Variants in ATP2B2 observed in about 807,000 individuals in gnomAD.
ATP2B2 encodes plasma membrane calcium-transporting ATPase 2.
Under a neutral mutation model 120.0 loss-of-function variants are expected in ATP2B2, and 15 were observed. The ratio of observed to expected loss-of-function variants is 0.12; its 90% CI spans 0.08 to 0.19. The LOEUF (loss-of-function observed/expected upper bound fraction) is 0.19, where lower values mean the gene tolerates loss of function less well. ATP2B2 is among the 10% of genes least tolerant of loss of function. The pLI is 1.00. For missense variants in ATP2B2, 1,045 were observed against 1,719.8 expected, an observed-to-expected ratio of 0.61 and a Z score of 6.94; for synonymous variants, 694 against 700.3, an observed-to-expected ratio of 0.99 and a Z score of 0.14.
chr3:10,336,267 A>G (rs1377594368), intron 22 of ATP2B2: 4 of 1,550,608 alleles, frequency 2.6e-6, no homozygotes, highest in Non-Finnish European at 3.5e-6. Flanking sequence ...CCCTGAAAGG[A>G]GGCCCCGCTC....
At chr3:10,470,036 C>T (rs2064917442) in intron 1 of ATP2B2, among the ~76,000 whole-genome samples, 1 of 152,044 alleles carries the variant, frequency 6.6e-6, no homozygotes, top group Non-Finnish European at 1.5e-5. Flanking sequence ...AGGCAGATCT[C>T]AGCGCTGGGC....
intron 2 of ATP2B2, among the ~76,000 whole-genome samples, chr3:10,571,620 C>T (rs2068129567): frequency 6.6e-6 from 1 of 152,240 alleles, no homozygotes; most frequent in Non-Finnish European, 1.5e-5. Context: ...AGCTCAGCTC[C>T]TAGTAGCACT....
At chr3:10,620,895 G>A (rs2069526802) in intron 1 of ATP2B2, among the ~76,000 whole-genome samples, 2 of 152,164 alleles carry the variant, frequency 1.3e-5, no homozygotes, top group Non-Finnish European at 1.5e-5. Flanking sequence ...AGGGGCAAAT[G>A]GCAGGTATCC....
intron 1 of ATP2B2, among the ~76,000 whole-genome samples, chr3:10,621,847 G>T (rs1381553171): frequency 2.0e-5 from 3 of 152,198 alleles, no homozygotes; most frequent in Non-Finnish European, 4.4e-5. Flanking sequence ...AAGTAACCAC[G>T]TCAACATGAC....
At chr3:10,336,257 C>G in intron 22 of ATP2B2, 1 of 1,550,604 alleles carries the variant, frequency 6.4e-7, no homozygotes, top group East Asian at 2.4e-5. Context: ...CCGCAGGGCC[C>G]CCTGAAAGGA....
At chr3:10,699,679 C>A (rs2071788763) in intron 1 of ATP2B2, among the ~76,000 whole-genome samples, 1 of 152,172 alleles carries the variant, frequency 6.6e-6, no homozygotes, top group African/African-American at 2.4e-5. Flanking sequence ...ATCCCCAATG[C>A]AACAGTGTTG....
chr3:10,580,363 G>T (rs1048344704), intron 2 of ATP2B2, among the ~76,000 whole-genome samples: 1 of 152,124 alleles, frequency 6.6e-6, no homozygotes, highest in African/African-American at 2.4e-5. Flanking sequence ...TGAGGGCAGG[G>T]GTTTCTGTGT....
chr3:10,600,983 C>T (rs1429746389), intron 2 of ATP2B2, among the ~76,000 whole-genome samples: 1 of 152,064 alleles, frequency 6.6e-6, no homozygotes, highest in African/African-American at 2.4e-5. Context: ...CCAGCAACAC[C>T]CCAGCTTCCA....
In ATP2B2 at chr3:10,617,309, A is replaced by T. The variant is rs2069416659; in HGVS notation, c.-415+2608T>A. Among the ~76,000 whole-genome samples the T allele has an allele frequency of 2.0e-5, 3 of 152,358 alleles. No individual in the cohort carries two copies. The South Asian group carries it at 6.2e-4, about 32-fold the overall frequency. On this transcript the variant is annotated intron_variant, in intron 2 of 21. Coordinates refer to the ATP2B2 transcript ENST00000646379. ...ACTCTCAGGGGTATAACAATGTCTCATCACACATATTAAAAGATTCCCAGG... is the reference window on the plus strand; with the variant it reads ...ACTCTCAGGGGTATAACAATGTCTCTTCACACATATTAAAAGATTCCCAGG...
intron 5 of ATP2B2, among the ~76,000 whole-genome samples, chr3:10,389,425 A>G (rs2124882983): frequency 6.6e-6 from 1 of 152,364 alleles, no homozygotes; most frequent in South Asian, 2.1e-4. Flanking sequence ...AGCCTTAAAG[A>G]GAAAGAAACT....
In ATP2B2 at chr3:10,403,395, G is replaced by A. The variant is rs150607359; in HGVS notation, c.398-1047C>T. 1.1e-3 allele frequency among the ~76,000 whole-genome samples: 175 copies of A among 152,358 alleles called. 6 individuals carry two copies. The South Asian group carries it at 0.028, about 24-fold the overall frequency. ...CCCAAAAACTCTCGAGGTCTGCCAGGCCCACGGGGTGAACAGAAAAGGAAG... is the reference window on the plus strand; with the variant it reads ...CCCAAAAACTCTCGAGGTCTGCCAGACCCACGGGGTGAACAGAAAAGGAAG... On this transcript the variant is annotated intron_variant, in intron 3 of 22. Transcript: ENST00000360273.
At chr3:10,685,794 C>G (rs2125708263) in intron 1 of ATP2B2, among the ~76,000 whole-genome samples, 1 of 152,346 alleles carries the variant, frequency 6.6e-6, no homozygotes, top group East Asian at 1.9e-4. Context: ...ATGGACACAT[C>G]TTTGACAACC....
chr3:10,421,598 C>T (rs894927962), intron 2 of ATP2B2, among the ~76,000 whole-genome samples: 31 of 152,304 alleles, frequency 2.0e-4, no homozygotes, highest in Admixed American at 3.9e-4. Context: ...AGCTGGTCTT[C>T]AAGTTCGGCT....
At chr3:10,380,633 T>C (rs529668676) in intron 8 of ATP2B2, among the ~76,000 whole-genome samples, 2 of 152,292 alleles carry the variant, frequency 1.3e-5, no homozygotes, top group East Asian at 3.9e-4. Context: ...CGTCCTGCCA[T>C]TGCTTCTCCA....
At chr3:10,488,312 T>C (rs149140656) in intron 1 of ATP2B2, among the ~76,000 whole-genome samples, 131,975 of 132,744 alleles carry the variant, frequency 0.99, 65,603 homozygotes, top group Middle Eastern at 1. Context: ...TATCTATTCA[T>C]TCACTCACAA....
intron 2 of ATP2B2, among the ~76,000 whole-genome samples, chr3:10,608,700 A>C (rs1482945329): frequency 2.0e-5 from 3 of 152,122 alleles, no homozygotes; most frequent in African/African-American, 7.2e-5. Context: ...ATGGCCCTTC[A>C]TCTGTAAAAT....
At chr3:10,588,583 C>T (rs928531934) in intron 2 of ATP2B2, among the ~76,000 whole-genome samples, 10 of 152,200 alleles carry the variant, frequency 6.6e-5, no homozygotes, top group African/African-American at 2.2e-4. Context: ...CGGCATCATC[C>T]AGCCTGACTC....
intron 4 of ATP2B2, among the ~76,000 whole-genome samples, chr3:10,401,808 T>C (rs1009912228): frequency 6.6e-6 from 1 of 152,262 alleles, no homozygotes; most frequent in Non-Finnish European, 1.5e-5. Context: ...ATCCAGGCTC[T>C]GAGCTGTGAC....
In ATP2B2 at chr3:10,324,841, G is replaced by A. The variant is rs900280165; in HGVS notation, c.*3973C>T. 1.3e-5 allele frequency: 2 copies of A among 152,222 alleles called. No individual in the cohort carries two copies. The highest frequency in any genetic ancestry group is 4.8e-5 in the African/African-American group (2 of 41,444). The allele number at this position is 152,222 out of a possible 1,614,324, so 9.4% of individuals were successfully genotyped here. A position where few individuals can be genotyped will look rare whatever the true frequency, so the allele number is the denominator to read the frequency against. ...TCAGGAAAGGGAGATAGGAATAAAG[G>A]TTTCTCCATGATGAGAATTAGAAGT... On this transcript the variant is annotated 3_prime_UTR_variant, in exon 23 of 23. Transcript: ENST00000360273.
Sources: allele counts gnomAD v4.1 joint callset (sites outside exome capture counted in the v4.1 genomes callset), GRCh38; gene constraint gnomAD v4.1.1; transcripts MANE v1.5; gene names NCBI Gene and HGNC (gene_info 2026-07-23, HGNC 2026-07-21).